Variants in CEP70 observed in about 807,000 individuals in gnomAD.
CEP70 encodes centrosomal protein 70, also known as centrosomal protein of 70 kDa.
CEP70 carries 70 observed loss-of-function variants against 90.9 expected under a neutral mutation model. The observed-to-expected ratio is 0.77, with a 90% CI of 0.64 to 0.94. The LOEUF (loss-of-function observed/expected upper bound fraction) is 0.94. Among genes scored for constraint, CEP70 ranks in the 40% least tolerant of loss-of-function variants. CEP70 has a pLI of 0.00. For missense variants in CEP70, 648 were observed against 669.0 expected, an observed-to-expected ratio of 0.97 and a Z score of 0.35; for synonymous variants, 220 against 228.3, an observed-to-expected ratio of 0.96 and a Z score of 0.33.
rs2033856542 is a variant in CEP70 at position 138,494,686 on chromosome 3, ATTGCAACCTACTAC to A, written c.*315_*328del. 5.3e-6 allele frequency: 1 copy of A among 188,026 alleles called. No individual in the cohort carries two copies. The highest frequency in any genetic ancestry group is 2.4e-5 in the African/African-American group (1 of 41,852). 11.6% of individuals were successfully genotyped at this position (188,026 alleles called of 1,614,324 possible). A position where few individuals can be genotyped will look rare whatever the true frequency, so the allele number is the denominator to read the frequency against. On this transcript the variant is annotated 3_prime_UTR_variant, in exon 18 of 18. Transcript: ENST00000264982. ...GATTATTACAAGCTGAATCTAAAAG[ATTGCAACCTACTAC>A]TTGCAATCTGTCTCCCTGGGCTCCT...
At chr3:138,526,982 A>C (rs2881793) in intron 10 of CEP70, among the ~76,000 whole-genome samples, 60,096 of 151,302 alleles carry the variant, frequency 0.4, 12,480 homozygotes, top group Non-Finnish European at 0.45. Context: ...AATTTAAGAT[A>C]ATAATCATGC....
Position 138,508,516 on chromosome 3 carries a change from CCT to C in CEP70, c.971_972del (p.Lys324SerfsTer2), listed in dbSNP as rs778459241. 2.5e-6 allele frequency: 4 copies of C among 1,611,406 alleles called. No individual in the cohort carries two copies. In the African/African-American group the frequency reaches 5.4e-5, roughly 22 times the overall value. Reference protein sequence around the residue: ...VKLQELINHKKAEDTEKKDEP... With the variant: ...VKLQELINHKXAEDTEKKDEP... The stretch of plus-strand genomic sequence containing the variant: ...TCATCTTTCTTCTCTGTGTCCTCAG[CCT>C]TCTTATGATTAATAAGCTCCTGTAA... On this transcript the variant is annotated frameshift_variant, in exon 12 of 18. Coordinates refer to ENST00000264982, the MANE Select transcript of CEP70 (RefSeq NM_024491.4). LOFTEE classifies it high-confidence loss of function.
At chr3:138,500,930 A>G (rs764495879) in intron 13 of CEP70, 49 bp from the exon 14 acceptor site, 15 of 900,866 alleles carry the variant, frequency 1.7e-5, no homozygotes, top group African/African-American at 7.0e-5. Context: ...AATAATTTCT[A>G]TAGTAACATA....
At chr3:138,498,220 A>G (rs2034121865) in intron 16 of CEP70, 110 bp from the exon 17 acceptor site, 3 of 705,910 alleles carry the variant, frequency 4.2e-6, no homozygotes, top group Non-Finnish European at 7.0e-6. Context: ...TTAAATATAA[A>G]CTTAATGATC....
intron 6 of CEP70, among the ~76,000 whole-genome samples, chr3:138,538,895 T>G (rs567100072): frequency 6.6e-6 from 1 of 152,340 alleles, no homozygotes; most frequent in East Asian, 1.9e-4. Context: ...CTAGGTTAGC[T>G]AATCTGTTGT....
chr3:138,577,661 A>G (rs2041624379), intron 2 of CEP70, among the ~76,000 whole-genome samples: 1 of 152,110 alleles, frequency 6.6e-6, no homozygotes, highest in Admixed American at 6.5e-5. Context: ...AAAAATAAAA[A>G]AATTTTTAAA....
chr3:138,589,303 G>A (rs2042257284), intron 2 of CEP70, among the ~76,000 whole-genome samples: 1 of 151,998 alleles, frequency 6.6e-6, no homozygotes. Flanking sequence ...TGAGAATACT[G>A]ACCCAAAACA....
Position 138,525,476 on chromosome 3 carries a change from A to G in CEP70, c.944+14T>C. The G allele has an allele frequency of 8.0e-7, 1 of 1,246,694 alleles. No individual in the cohort carries two copies. The highest frequency in any genetic ancestry group is 1.1e-6 in the Non-Finnish European group (1 of 936,156). 77.2% of individuals were successfully genotyped at this position (1,246,694 alleles called of 1,614,324 possible). A position where few individuals can be genotyped will look rare whatever the true frequency, so the allele number is the denominator to read the frequency against. On this transcript the variant is annotated intron_variant, in intron 11 of 17. Transcript: ENST00000264982. Reference sequence around the variant, plus strand: ...TCCTAATAAAAGAGGCAATTTTGGTAAAAATATAATTACTTGACGTTTTTC... The same window carrying G: ...TCCTAATAAAAGAGGCAATTTTGGTGAAAATATAATTACTTGACGTTTTTC...
rs187544558 is a variant in CEP70 at position 138,535,276 on chromosome 3, T to G, written c.635+1902A>C. Among the ~76,000 whole-genome samples the G allele has an allele frequency of 4.6e-5, 7 of 152,306 alleles. No individual in the cohort carries two copies. In the East Asian group the frequency reaches 1.3e-3, roughly 29 times the overall value. ...ACCTCTTCCTATTAATATTCTATAG[T>G]TCCTAGTAGTCCAGCTAAAAAGATA... On this transcript the variant is annotated intron_variant, in intron 7 of 17. Coordinates refer to ENST00000264982, the MANE Select transcript of CEP70 (RefSeq NM_024491.4).
At chr3:138,530,781 T>C in intron 8 of CEP70, 1 of 985,242 alleles carries the variant, frequency 1.0e-6, no homozygotes, top group Non-Finnish European at 1.2e-6. Flanking sequence ...GTTACAGTAC[T>C]CCTACTTCTT....
In CEP70 at chr3:138,572,928, A is replaced by T; in HGVS notation, c.-1T>A. ...GGGGTTTAGGGGCTACCGGAAACAT[A>T]GTTACTTTTGTAGAATCAAAAGAAA... On this transcript the variant is annotated 5_prime_UTR_variant, in exon 3 of 18. Transcript: ENST00000264982. 1 of 1,607,998 alleles carries T rather than the reference A, an allele frequency of 6.2e-7. No homozygotes were observed. Among genetic ancestry groups the T allele is most frequent in the Non-Finnish European group, 8.5e-7 (1 of 1,176,378 alleles).
chr3:138,542,131 G>A (rs928524522), intron 6 of CEP70, among the ~76,000 whole-genome samples: 2 of 152,200 alleles, frequency 1.3e-5, no homozygotes, highest in African/African-American at 4.8e-5. Context: ...GGGTGTGTGA[G>A]TTAGCAAATG....
chr3:138,509,597 C>T (rs367826149), intron 11 of CEP70, among the ~76,000 whole-genome samples: 1 of 152,188 alleles, frequency 6.6e-6, no homozygotes, highest in African/African-American at 2.4e-5. Context: ...CACGCTGATC[C>T]GTAGTTTCAT....
chr3:138,498,168 T>C, intron 16 of CEP70, 58 bp from the exon 17 acceptor site: 1 of 1,222,464 alleles, frequency 8.2e-7, no homozygotes, highest in East Asian at 2.4e-5. Context: ...TTGCATCTGA[T>C]TGCAAACAGA....
At chr3:138,541,256 G>C (rs1284419756) in intron 6 of CEP70, among the ~76,000 whole-genome samples, 2 of 152,084 alleles carry the variant, frequency 1.3e-5, no homozygotes, top group African/African-American at 4.8e-5. Flanking sequence ...CATTCTCAAA[G>C]TCAAGCACAA....
intron 11 of CEP70, among the ~76,000 whole-genome samples, chr3:138,517,841 C>G (rs2036189912): frequency 6.6e-6 from 1 of 152,106 alleles, no homozygotes; most frequent in South Asian, 2.1e-4. Flanking sequence ...GGGTGCAGGA[C>G]AGTGGGTGCA....
At chr3:138,535,121 C>T (rs2038152786) in intron 7 of CEP70, among the ~76,000 whole-genome samples, 3 of 152,162 alleles carry the variant, frequency 2.0e-5, no homozygotes, top group African/African-American at 2.4e-5. Context: ...TCCATATTGT[C>T]ATATTGTCTC....
chr3:138,592,741 T>A (rs2042445993), intron 1 of CEP70, among the ~76,000 whole-genome samples: 1 of 152,066 alleles, frequency 6.6e-6, no homozygotes, highest in Non-Finnish European at 1.5e-5. Context: ...AATTTAATTA[T>A]TTTTTTCACC....
At position 138,535,876 on chromosome 3, in the gene CEP70, A is replaced by C. The variant is rs149598025; in HGVS notation, c.635+1302T>G. On this transcript the variant is annotated intron_variant, in intron 7 of 17. Transcript: ENST00000264982. ...CTTACCTCTCCTATTTTTCTTACCT[A>C]GCCTCCCTTTTCTATTTATTCACAC... 5.7e-3 allele frequency among the ~76,000 whole-genome samples: 854 copies of C among 151,148 alleles called. 7 individuals are homozygous for C. Among genetic ancestry groups the C allele is most frequent in the African/African-American group, 0.02 (823 of 41,144 alleles).
Sources: allele counts gnomAD v4.1 joint callset (sites outside exome capture counted in the v4.1 genomes callset), GRCh38; gene constraint gnomAD v4.1.1; transcripts MANE v1.5; gene names NCBI Gene and HGNC (gene_info 2026-07-23, HGNC 2026-07-21).